The following KCNH8 variants were observed in gnomAD, a reference collection of about 807,000 sequenced individuals.
KCNH8 encodes voltage-gated delayed rectifier potassium channel KCNH8.
Under a neutral mutation model 103.6 loss-of-function variants are expected in KCNH8, and 70 were observed. That is an observed-to-expected ratio of 0.68 (90% CI 0.56 to 0.82). The LOEUF (loss-of-function observed/expected upper bound fraction) is 0.82. Ranked by LOEUF, KCNH8 falls within the 40% of genes least tolerant of loss-of-function variation. The pLI, the probability that KCNH8 is intolerant of heterozygous loss-of-function variation, is 0.00. For synonymous variants in KCNH8, 498 were observed against 489.4 expected, an observed-to-expected ratio of 1.02 and a Z score of -0.23; for missense variants, 1,217 against 1,329.9, an observed-to-expected ratio of 0.92 and a Z score of 1.32.
intron 7 of KCNH8, among the ~76,000 whole-genome samples, chr3:19,434,355 A>G (rs1272722628): frequency 6.6e-6 from 1 of 152,228 alleles, no homozygotes; most frequent in Non-Finnish European, 1.5e-5. Flanking sequence ...TGTAGCAGTA[A>G]CAAATACTTC....
At chr3:19,276,347 G>C (rs1281432451) in intron 2 of KCNH8, among the ~76,000 whole-genome samples, 1 of 151,860 alleles carries the variant, frequency 6.6e-6, no homozygotes, top group Non-Finnish European at 1.5e-5. Context: ...GGAACACCTG[G>C]AAATGTTTAG....
intron 1 of KCNH8, among the ~76,000 whole-genome samples, chr3:19,240,630 A>G (rs1190936260): frequency 6.6e-6 from 1 of 151,822 alleles, no homozygotes; most frequent in Non-Finnish European, 1.5e-5. Flanking sequence ...AAAAAAAACA[A>G]AAAAAACTTC....
chr3:19,451,187 T>C lies in KCNH8; in HGVS notation c.1608T>C (p.Ser536=). 1 of 1,613,830 alleles carries C rather than the reference T, an allele frequency of 6.2e-7. No homozygotes were observed. Among genetic ancestry groups the C allele is most frequent in the Non-Finnish European group, 8.5e-7 (1 of 1,179,746 alleles). Residue 536 remains serine (S), a synonymous_variant, in exon 10 of 16, where the codon TCT becomes TCC. Coordinates refer to ENST00000328405, the MANE Select transcript of KCNH8 (RefSeq NM_144633.3). The part of the protein sequence containing the change: ...LLKDFPDELR[S]DITMHLNKEI... ...AAGACTTTCCAGATGAACTGCGTTC[T>C]GACATCACTATGCACTTGAACAAGG...
At chr3:19,460,014 A>G (rs2067596829) in intron 11 of KCNH8, among the ~76,000 whole-genome samples, 1 of 151,844 alleles carries the variant, frequency 6.6e-6, no homozygotes, top group African/African-American at 2.4e-5. Context: ...TCTCATTTTA[A>G]AAAAGGAAAA....
At chr3:19,232,885 T>G (rs2064012672) in intron 1 of KCNH8, among the ~76,000 whole-genome samples, 1 of 152,208 alleles carries the variant, frequency 6.6e-6, no homozygotes, top group Non-Finnish European at 1.5e-5. Context: ...GTTGCCAAAT[T>G]CAAAGCATGA....
At chr3:19,364,011 G>A (rs1266907228) in intron 5 of KCNH8, among the ~76,000 whole-genome samples, 1 of 152,010 alleles carries the variant, frequency 6.6e-6, no homozygotes, top group Non-Finnish European at 1.5e-5. Context: ...GGACATTCTG[G>A]TATACCCTGA....
At chr3:19,185,661 C>A (rs2063494692) in intron 1 of KCNH8, among the ~76,000 whole-genome samples, 1 of 151,412 alleles carries the variant, frequency 6.6e-6, no homozygotes, top group African/African-American at 2.4e-5. Flanking sequence ...TACAAGAGGA[C>A]CATTTATCAC....
chr3:19,390,324 A>G (rs1031223775), intron 5 of KCNH8, among the ~76,000 whole-genome samples, 157 bp from the exon 6 acceptor site: 1 of 151,878 alleles, frequency 6.6e-6, no homozygotes, highest in Non-Finnish European at 1.5e-5. Context: ...CATTTGCCTA[A>G]TTTTATTTAA....
chr3:19,437,249 A>G lies in KCNH8; in HGVS notation c.1178-915A>G, dbSNP rs190632944. Among the ~76,000 whole-genome samples, 467 of 147,584 alleles carry G rather than the reference A, an allele frequency of 3.2e-3. 4 individuals carry two copies. The highest frequency in any genetic ancestry group is 0.011 in the African/African-American group (428 of 38,684). On this transcript the variant is annotated intron_variant, in intron 7 of 15. Transcript: ENST00000328405. ...GCTTGTTGCAACACACACATAGAGA[A>G]AGAATTATAAAATATAAAATCTTAA... is the stretch of plus-strand genomic sequence containing the variant.
chr3:19,213,674 A>G (rs1308465842), intron 1 of KCNH8, among the ~76,000 whole-genome samples: 1 of 152,212 alleles, frequency 6.6e-6, no homozygotes, highest in East Asian at 1.9e-4. Flanking sequence ...ATCTCAGCTC[A>G]GAATGCAGTC....
chr3:19,280,582 A>G (rs1038093870), intron 2 of KCNH8, among the ~76,000 whole-genome samples: 1 of 152,082 alleles, frequency 6.6e-6, no homozygotes, highest in Admixed American at 6.6e-5. Context: ...TTTGGTTTCA[A>G]ATGATTGTAA....
intron 5 of KCNH8, among the ~76,000 whole-genome samples, chr3:19,356,062 A>G (rs776222258): frequency 1.2e-4 from 19 of 152,038 alleles, no homozygotes; most frequent in Non-Finnish European, 2.6e-4. Flanking sequence ...TGTTCATAGA[A>G]CTACAAGATG....
rs1165259997 is a variant in KCNH8, at chr3:19,502,449, G to A, written c.2041-7914G>A. ...TTAAAGTTCATATGGAACCGAAAAA[G>A]AGCCCGCATCGCCAAGTCAATCCTG... On this transcript the variant is annotated intron_variant, in intron 11 of 15. Coordinates refer to ENST00000328405, the MANE Select transcript of KCNH8 (RefSeq NM_144633.3). 1.2e-4 allele frequency among the ~76,000 whole-genome samples: 19 copies of A among 152,084 alleles called. No homozygotes were observed. The East Asian group carries it at 3.7e-3, about 29-fold the overall frequency.
intron 3 of KCNH8, among the ~76,000 whole-genome samples, chr3:19,294,727 A>G (rs926789340): frequency 6.6e-5 from 10 of 152,312 alleles, no homozygotes; most frequent in Middle Eastern, 3.4e-3. Context: ...GGGTTCATAA[A>G]CTAAGTTGCC....
chr3:19,189,850 A>G (rs182957387), intron 1 of KCNH8, among the ~76,000 whole-genome samples: 2 of 152,180 alleles, frequency 1.3e-5, no homozygotes, highest in East Asian at 1.9e-4. Flanking sequence ...CTGAGATTTT[A>G]TATTTTAATT....
chr3:19,320,742 T>A (rs1237063933), intron 3 of KCNH8, among the ~76,000 whole-genome samples: 1 of 152,026 alleles, frequency 6.6e-6, no homozygotes, highest in African/African-American at 2.4e-5. Flanking sequence ...TGGGATAGTG[T>A]CAATACGATT....
At chr3:19,393,755 A>G (rs912442014) in intron 6 of KCNH8, among the ~76,000 whole-genome samples, 1 of 152,076 alleles carries the variant, frequency 6.6e-6, no homozygotes, top group African/African-American at 2.4e-5. Flanking sequence ...AATGACAAAA[A>G]GAAATAAAAG....
chr3:19,451,953 A>G (rs961180272), intron 10 of KCNH8, among the ~76,000 whole-genome samples: 1 of 152,190 alleles, frequency 6.6e-6, no homozygotes, highest in Admixed American at 6.6e-5. Flanking sequence ...ATATTGTGAA[A>G]ATTTTGTGCC....
At chr3:19,324,442 C>A (rs957200056) in intron 3 of KCNH8, among the ~76,000 whole-genome samples, 1 of 152,164 alleles carries the variant, frequency 6.6e-6, no homozygotes, top group Non-Finnish European at 1.5e-5. Context: ...ATCACAGGAA[C>A]AGCAGGGGGA....
Sources: allele counts gnomAD v4.1 joint callset (sites outside exome capture counted in the v4.1 genomes callset), GRCh38; gene constraint gnomAD v4.1.1; transcripts MANE v1.5; gene names NCBI Gene and HGNC (gene_info 2026-07-23, HGNC 2026-07-21).